Variants in ZNF407 observed in about 807,000 individuals in gnomAD.
ZNF407 encodes zinc finger protein 407.
ZNF407 carries 17 observed loss-of-function variants against 131.2 expected under a neutral mutation model. The ratio of observed to expected loss-of-function variants is 0.13; its 90% confidence interval spans 0.09 to 0.19. The LOEUF is 0.19. Ranked by LOEUF, ZNF407 falls within the 10% of genes least tolerant of loss-of-function variation. The pLI is 1.00. For missense variants in ZNF407, 2,681 were observed against 2,830.6 expected, an observed-to-expected ratio of 0.95 and a Z score of 1.20; for synonymous variants, 1,156 against 1,062.0, an observed-to-expected ratio of 1.09 and a Z score of -1.72.
intron 8 of ZNF407, among the ~76,000 whole-genome samples, chr18:75,029,464 A>G (rs1039082395): frequency 3.9e-5 from 6 of 152,178 alleles, no homozygotes; most frequent in African/African-American, 1.2e-4. Flanking sequence ...AGTAGCTGGT[A>G]GCTGTTTGTC....
At position 74,681,744 on chromosome 18, in the gene ZNF407, G is replaced by C. The variant is rs568425888; in HGVS notation, c.4802+40622G>C. On this transcript the variant is annotated intron_variant, in intron 3 of 8. Transcript: ENST00000299687. ...TTTCATATTTTGTCAGACAGGACTTGCTACTTTCCATGGTGAGATATATTG... is the reference window on the plus strand; with the variant it reads ...TTTCATATTTTGTCAGACAGGACTTCCTACTTTCCATGGTGAGATATATTG... 3.3e-5 allele frequency among the ~76,000 whole-genome samples: 5 copies of C among 152,264 alleles called. No homozygotes were observed. The East Asian group carries it at 9.7e-4, about 29-fold the overall frequency.
chr18:75,064,456 C>G lies in ZNF407; in HGVS notation c.6735C>G (p.Leu2245=). 1 of 1,490,098 alleles carries G rather than the reference C, an allele frequency of 6.7e-7. No homozygotes were observed. The highest frequency in any genetic ancestry group is 8.9e-7 in the Non-Finnish European group (1 of 1,117,326). 92.3% of individuals were successfully genotyped at this position (1,490,098 alleles called of 1,614,324 possible). ...AGAGCCAAAGAGAAAGCAGCGAACT[C>G]CAGGAAGCATGAGACGCGCGGCACC... ...AIQSQRESSE[L]QEA is the part of the protein sequence containing the mutation. The change falls in exon 9 of 9, where the codon CTC becomes CTG. Residue 2245 remains leucine, a synonymous_variant. Coordinates refer to ENST00000299687, the MANE Select transcript of ZNF407 (RefSeq NM_017757.3).
At chr18:75,009,529 C>T (rs551264527) in intron 8 of ZNF407, among the ~76,000 whole-genome samples, 76 of 152,152 alleles carry the variant, frequency 5.0e-4, no homozygotes, top group African/African-American at 1.8e-3. Context: ...GTGAAGTAAC[C>T]GTTCTTACAA....
intron 1 of ZNF407, among the ~76,000 whole-genome samples, chr18:74,624,778 G>A (rs759694950): frequency 6.6e-6 from 1 of 152,194 alleles, no homozygotes; most frequent in Non-Finnish European, 1.5e-5. Context: ...GTGTTTTAGG[G>A]CTTTGCCAGA....
chr18:74,790,243 T>C (rs1004055513), intron 4 of ZNF407, among the ~76,000 whole-genome samples: 6 of 152,228 alleles, frequency 3.9e-5, no homozygotes, highest in Non-Finnish European at 7.3e-5. Flanking sequence ...AGTACTCTTA[T>C]AATCTTTACT....
intron 3 of ZNF407, among the ~76,000 whole-genome samples, chr18:74,766,307 G>A (rs1969231011): frequency 6.6e-6 from 1 of 152,140 alleles, no homozygotes; most frequent in South Asian, 2.1e-4. Context: ...GGACAGTGGT[G>A]GTATGGGATT....
chr18:74,699,273 A>G (rs1967435708), intron 3 of ZNF407, among the ~76,000 whole-genome samples: 1 of 152,222 alleles, frequency 6.6e-6, no homozygotes, highest in Non-Finnish European at 1.5e-5. Flanking sequence ...CCTCCAGGAA[A>G]CATGATGATA....
chr18:74,775,955 G>T (rs1003329402), intron 3 of ZNF407, among the ~76,000 whole-genome samples: 3 of 152,156 alleles, frequency 2.0e-5, no homozygotes, highest in Non-Finnish European at 4.4e-5. Flanking sequence ...TAAACTGCTC[G>T]TTAGAAATCT....
chr18:74,621,465 G>C (rs1340745560), intron 1 of ZNF407, among the ~76,000 whole-genome samples: 1 of 152,106 alleles, frequency 6.6e-6, no homozygotes, highest in Non-Finnish European at 1.5e-5. Flanking sequence ...CAAGCTGGAG[G>C]ATCTGCTACC....
At chr18:74,738,952 G>A (rs970233567) in intron 3 of ZNF407, among the ~76,000 whole-genome samples, 7 of 152,142 alleles carry the variant, frequency 4.6e-5, no homozygotes, top group Non-Finnish European at 8.8e-5. Flanking sequence ...TTATTAATGT[G>A]TAACAACTTG....
At chr18:74,994,241 T>TAA (rs10651618) in intron 8 of ZNF407, among the ~76,000 whole-genome samples, 26,783 of 149,388 alleles carry the variant, frequency 0.18, 2,584 homozygotes, top group Admixed American at 0.29. Context: ...AAATGGCTCA[T>TAA]AAAAAAAAAA....
chr18:74,834,577 G>T (rs193150807), intron 4 of ZNF407, among the ~76,000 whole-genome samples: 9 of 152,224 alleles, frequency 5.9e-5, no homozygotes, highest in African/African-American at 9.6e-5. Flanking sequence ...TCTTTGTCTT[G>T]CCAGGAGGAT....
intron 4 of ZNF407, among the ~76,000 whole-genome samples, chr18:74,800,912 T>A (rs1970008853): frequency 6.6e-6 from 1 of 152,152 alleles, no homozygotes; most frequent in African/African-American, 2.4e-5. Flanking sequence ...ATTATGACCA[T>A]TATTTGTAAC....
At chr18:74,716,834 T>C (rs1365303389) in intron 3 of ZNF407, among the ~76,000 whole-genome samples, 1 of 152,194 alleles carries the variant, frequency 6.6e-6, no homozygotes, top group Non-Finnish European at 1.5e-5. Context: ...TATGTTGAAA[T>C]AGATCGCATT....
chr18:74,724,555 C>T (rs1264473786), intron 3 of ZNF407, among the ~76,000 whole-genome samples: 1 of 152,134 alleles, frequency 6.6e-6, no homozygotes, highest in African/African-American at 2.4e-5. Flanking sequence ...ATTTCTCTCT[C>T]TCTCTCTCTC....
In ZNF407 at chr18:74,781,612, T is replaced by C. The variant is rs1178593260; in HGVS notation, c.4877+110T>C. 3 of 747,148 alleles carry C rather than the reference T, an allele frequency of 4.0e-6. No individual in the cohort carries two copies. In the African/African-American group the frequency reaches 5.5e-5, roughly 14 times the overall value. 46.3% of individuals were successfully genotyped at this position (747,148 alleles called of 1,614,324 possible). A position where few individuals can be genotyped will look rare whatever the true frequency, so the allele number is the denominator to read the frequency against. On this transcript the variant is annotated intron_variant, in intron 4 of 8. Coordinates refer to ENST00000299687, the MANE Select transcript of ZNF407 (RefSeq NM_017757.3). ...TTTTTTCACATCAGTTAATCATGTTTCTATTTGTGGTACTCTTTTGTCAAA... is the reference window on the plus strand; with the variant it reads ...TTTTTTCACATCAGTTAATCATGTTCCTATTTGTGGTACTCTTTTGTCAAA...
At chr18:74,795,945 TGCACACGCGCACACAC>T (rs1231952066) in intron 4 of ZNF407, among the ~76,000 whole-genome samples, 1 of 152,246 alleles carries the variant, frequency 6.6e-6, no homozygotes, top group Non-Finnish European at 1.5e-5. Context: ...CCTCCCGCTG[TGCACACGCGCACACAC>T]GCACACGTGC....
intron 1 of ZNF407, among the ~76,000 whole-genome samples, chr18:74,618,133 G>A (rs1227163097): frequency 6.6e-6 from 1 of 152,122 alleles, no homozygotes; most frequent in African/African-American, 2.4e-5. Context: ...CCGAGATTTG[G>A]TCAGGGGAAG....
At chr18:74,848,756 A>G (rs991713043) in intron 4 of ZNF407, among the ~76,000 whole-genome samples, 3 of 152,150 alleles carry the variant, frequency 2.0e-5, no homozygotes, top group Non-Finnish European at 4.4e-5. Context: ...TCATGTACCC[A>G]AAGTGTTGCC....
Sources: gnomAD v4.1 joint callset for allele counts (sites outside exome capture counted in the v4.1 genomes callset) on GRCh38, gnomAD v4.1.1 for gene constraint, MANE v1.5 for transcripts, NCBI Gene and HGNC (gene_info 2026-07-23, HGNC 2026-07-21) for gene names.